Variants in OXR1 observed in about 807,000 individuals in gnomAD.
OXR1 encodes the protein oxidation resistance 1, also known as oxidation resistance protein 1.
Under a neutral mutation model 104.6 loss-of-function variants are expected in OXR1, and 41 were observed. The observed-to-expected ratio is 0.39, with a 90% CI of 0.31 to 0.51. OXR1 has a LOEUF of 0.51. OXR1 is among the 20% of genes least tolerant of loss of function. The pLI is 0.77. For missense variants in OXR1, 955 were observed against 1,031.9 expected (o/e 0.93, Z 1.02); for synonymous variants, 348 against 348.4 (o/e 1.00, Z 0.01).
chr8:106,432,275 T>G (rs146945419), intron 2 of OXR1, among the ~76,000 whole-genome samples: 8 of 152,252 alleles, frequency 5.3e-5, no homozygotes, highest in Non-Finnish European at 7.3e-5. Flanking sequence ...AAACAAACAT[T>G]GGATCACGTA....
rs542695499 is a variant in OXR1, at chr8:106,357,235, T to C, written c.-138-2241T>C. ...GTGTGTGTGTATATATATGCTTTTT[T>C]TTTTGGTAAACTGAACCCTCGATAA... On this transcript the variant is annotated intron_variant, in intron 1 of 16. Transcript: ENST00000517566. 5.9e-5 allele frequency among the ~76,000 whole-genome samples: 9 copies of C among 152,246 alleles called. No individual in the cohort carries two copies. The South Asian group carries it at 1.9e-3, about 32-fold the overall frequency.
intron 2 of OXR1, among the ~76,000 whole-genome samples, chr8:106,413,225 G>A (rs1430269978): frequency 2.0e-5 from 3 of 152,006 alleles, no homozygotes; most frequent in Non-Finnish European, 2.9e-5. Flanking sequence ...TTGCCCTCAA[G>A]TTTGGCCTAA....
intron 3 of OXR1, among the ~76,000 whole-genome samples, chr8:106,536,429 AACAC>A (rs1464345218): frequency 6.6e-6 from 1 of 152,046 alleles, no homozygotes; most frequent in Non-Finnish European, 1.5e-5. Context: ...CATCACCGAG[AACAC>A]ATGGTCATTG....
intron 3 of OXR1, among the ~76,000 whole-genome samples, chr8:106,528,864 A>T (rs374329541): frequency 6.6e-6 from 1 of 152,230 alleles, no homozygotes; most frequent in South Asian, 2.1e-4. Flanking sequence ...CTATCTTGGC[A>T]TGCAGGTCAC....
intron 2 of OXR1, among the ~76,000 whole-genome samples, chr8:106,370,518 C>T (rs191394172): frequency 2.0e-4 from 30 of 152,058 alleles, no homozygotes; most frequent in African/African-American, 6.0e-4. Context: ...CCATTGAAGA[C>T]GATATTTTAT....
chr8:106,608,602 G>T (rs1820579011), intron 3 of OXR1, among the ~76,000 whole-genome samples: 1 of 152,088 alleles, frequency 6.6e-6, no homozygotes, highest in South Asian at 2.1e-4. Flanking sequence ...TTCTATATGC[G>T]AGAGGCTTTG....
chr8:106,592,354 T>G (rs1371761740), intron 3 of OXR1, among the ~76,000 whole-genome samples: 1 of 152,198 alleles, frequency 6.6e-6, no homozygotes, highest in Non-Finnish European at 1.5e-5. Flanking sequence ...TCTGGAGTAC[T>G]AGGAGAACAT....
chr8:106,359,047 T>TCTTC (rs1816119685), intron 1 of OXR1, among the ~76,000 whole-genome samples: 1 of 141,134 alleles, frequency 7.1e-6, no homozygotes, highest in African/African-American at 2.8e-5. Flanking sequence ...CATGGAATTC[T>TCTTC]TTTCTTTCTT....
At chr8:106,687,885 T>C (rs1024459936) in intron 6 of OXR1, among the ~76,000 whole-genome samples, 5 of 152,188 alleles carry the variant, frequency 3.3e-5, no homozygotes, top group Admixed American at 6.5e-5. Flanking sequence ...ATGGGCTTGG[T>C]TCGGAGCCCA....
intron 9 of OXR1, among the ~76,000 whole-genome samples, chr8:106,709,595 G>C (rs912693854): frequency 6.7e-6 from 1 of 148,704 alleles, no homozygotes. Context: ...TGTTGTGGGG[G>C]TTGGGGGTTT....
chr8:106,298,279 C>T (rs558412269), intron 1 of OXR1, among the ~76,000 whole-genome samples: 3 of 152,216 alleles, frequency 2.0e-5, no homozygotes, highest in Admixed American at 6.5e-5. Context: ...GCTAGAGAGG[C>T]CTCACAATCA....
At chr8:106,372,494 C>T (rs1053742025) in intron 2 of OXR1, among the ~76,000 whole-genome samples, 29 of 151,948 alleles carry the variant, frequency 1.9e-4, no homozygotes, top group Non-Finnish European at 4.0e-4. Context: ...GTTAAGCATC[C>T]CTAATTTGAA....
At position 106,662,823 on chromosome 8, in the gene OXR1, T is replaced by C. The variant is rs763613790; in HGVS notation, c.221-16387T>C. 1.1e-4 allele frequency among the ~76,000 whole-genome samples: 16 copies of C among 151,292 alleles called. 1 individual carries two copies. The highest frequency in any genetic ancestry group is 2.2e-4 in the Non-Finnish European group (15 of 67,894). ...TGTTTTGCTTGGATTGGGGGTAATGTCTATTTCAGTAAATGGGATGATGAT... is the reference window on the plus strand; with the variant it reads ...TGTTTTGCTTGGATTGGGGGTAATGCCTATTTCAGTAAATGGGATGATGAT... On this transcript the variant is annotated intron_variant, in intron 3 of 16. Coordinates refer to ENST00000517566, the MANE Select transcript of OXR1 (RefSeq NM_001198533.2).
At chr8:106,731,655 C>T (rs1349852146) in intron 11 of OXR1, among the ~76,000 whole-genome samples, 1 of 152,070 alleles carries the variant, frequency 6.6e-6, no homozygotes, top group Admixed American at 6.6e-5. Context: ...CATTATTTCT[C>T]CTCTGAATTG....
chr8:106,736,555 A>AT (rs1233787033), intron 11 of OXR1, among the ~76,000 whole-genome samples: 1 of 152,178 alleles, frequency 6.6e-6, no homozygotes, highest in Non-Finnish European at 1.5e-5. Context: ...ATCGTCACAT[A>AT]TTTATCACAC....
At chr8:106,302,521 G>A (rs924006876) in intron 1 of OXR1, among the ~76,000 whole-genome samples, 24 of 150,756 alleles carry the variant, frequency 1.6e-4, no homozygotes, top group Non-Finnish European at 1.8e-4. Context: ...GGGAGGCGGA[G>A]CTTGCAGTGA....
chr8:106,565,620 A>C (rs1048980877), intron 3 of OXR1, among the ~76,000 whole-genome samples: 1 of 152,218 alleles, frequency 6.6e-6, no homozygotes, highest in Admixed American at 6.5e-5. Context: ...AGAATTAGAA[A>C]AAAACTACTT....
At chr8:106,288,040 A>G (rs1208609969) in intron 1 of OXR1, among the ~76,000 whole-genome samples, 3 of 152,208 alleles carry the variant, frequency 2.0e-5, no homozygotes, top group Admixed American at 1.3e-4. Flanking sequence ...GGAGTGAGGT[A>G]TGAAGCATAT....
rs545952044 is a variant in OXR1, at chr8:106,678,274, A to G, written c.221-936A>G. On this transcript the variant is annotated intron_variant, in intron 3 of 16. Transcript: ENST00000517566. ...TAAACTCTTGTATGGTCAAAATGCC[A>G]TTTAAGTTTAGATAGAGGGAGAACA... is the stretch of plus-strand genomic sequence containing the variant. Among the ~76,000 whole-genome samples, 53 of 152,182 alleles carry G rather than the reference A, an allele frequency of 3.5e-4. 1 individual carries two copies. In the South Asian group the frequency reaches 9.5e-3, roughly 27 times the overall value.
Sources: allele counts gnomAD v4.1 joint callset (sites outside exome capture counted in the v4.1 genomes callset), GRCh38; gene constraint gnomAD v4.1.1; transcripts MANE v1.5; gene names NCBI Gene and HGNC (gene_info 2026-07-23, HGNC 2026-07-21).